ADAMTSL1: variants seen among roughly 807,000 people sequenced by gnomAD.
ADAMTSL1 encodes the protein ADAMTS like 1, also known as ADAMTS-like protein 1.
A neutral mutation model predicts 201.8 loss-of-function variants in ADAMTSL1; 126 were observed. That is an observed-to-expected ratio of 0.62 (90% CI 0.54 to 0.72). The LOEUF (loss-of-function observed/expected upper bound fraction) is 0.72. Ranked by LOEUF, ADAMTSL1 falls within the 30% of genes least tolerant of loss-of-function variation. The pLI, the probability that ADAMTSL1 is intolerant of heterozygous loss-of-function variation, is 0.00. For missense variants in ADAMTSL1, 2,679 were observed against 2,277.8 expected (o/e 1.18, Z -3.59); for synonymous variants, 1,121 against 903.4 (o/e 1.24, Z -4.32).
intron 1 of ADAMTSL1, among the ~76,000 whole-genome samples, chr9:18,017,232 A>C (rs1260188212): frequency 6.6e-6 from 1 of 152,068 alleles, no homozygotes; most frequent in Non-Finnish European, 1.5e-5. Context: ...ATAAAATACA[A>C]GGTGGTGGTG....
At chr9:18,104,310 C>CCACTGAT (rs2131858035) in intron 1 of ADAMTSL1, among the ~76,000 whole-genome samples, 1 of 152,296 alleles carries the variant, frequency 6.6e-6, no homozygotes, top group Admixed American at 6.5e-5. Context: ...TGCTTCCCTT[C>CCACTGAT]CACTGATGAA....
At chr9:18,277,260 T>C (rs937338766) in intron 2 of ADAMTSL1, among the ~76,000 whole-genome samples, 3 of 152,226 alleles carry the variant, frequency 2.0e-5, no homozygotes, top group Non-Finnish European at 4.4e-5. Context: ...TAAGTCCCTT[T>C]GGTCTAAAGT....
intron 2 of ADAMTSL1, among the ~76,000 whole-genome samples, chr9:18,241,684 A>G (rs912996405): frequency 5.9e-5 from 9 of 152,190 alleles, no homozygotes; most frequent in Non-Finnish European, 1.2e-4. Context: ...ATGAAAGTGA[A>G]GAAGTTACAA....
chr9:18,659,232 A>C (rs2132999051), intron 8 of ADAMTSL1, among the ~76,000 whole-genome samples: 1 of 152,312 alleles, frequency 6.6e-6, no homozygotes, highest in South Asian at 2.1e-4. Context: ...TTACCCATAA[A>C]TTTTTGGAAA....
intron 2 of ADAMTSL1, among the ~76,000 whole-genome samples, chr9:18,263,891 G>A (rs1832021878): frequency 6.6e-6 from 1 of 152,166 alleles, no homozygotes; most frequent in Non-Finnish European, 1.5e-5. Context: ...CTTGATCATG[G>A]ACTTTTAGCT....
At chr9:17,953,985 C>T (rs1249961606) in intron 1 of ADAMTSL1, among the ~76,000 whole-genome samples, 2 of 152,160 alleles carry the variant, frequency 1.3e-5, no homozygotes, top group East Asian at 3.8e-4. Context: ...TTTTTTTCTA[C>T]ATCACGTGCC....
intron 1 of ADAMTSL1, among the ~76,000 whole-genome samples, chr9:18,016,471 AAC>A (rs1310649895): frequency 5.9e-5 from 9 of 152,102 alleles, no homozygotes; most frequent in African/African-American, 2.2e-4. Flanking sequence ...AGAAGCACAG[AAC>A]AGAGTCCTGT....
chr9:18,331,381 G>C (rs1835021426), intron 2 of ADAMTSL1, among the ~76,000 whole-genome samples: 1 of 152,190 alleles, frequency 6.6e-6, no homozygotes, highest in Non-Finnish European at 1.5e-5. Context: ...TCCCCACTGT[G>C]TTGGCCTATG....
At chr9:18,487,068 GATTAA>G (rs2131836723) in intron 1 of ADAMTSL1, among the ~76,000 whole-genome samples, 1 of 152,224 alleles carries the variant, frequency 6.6e-6, no homozygotes, top group Admixed American at 6.5e-5. Context: ...TATCTGCCCT[GATTAA>G]ATATTAATTG....
At chr9:18,430,230 G>A (rs747818480) in intron 2 of ADAMTSL1, among the ~76,000 whole-genome samples, 4 of 152,170 alleles carry the variant, frequency 2.6e-5, no homozygotes, top group Non-Finnish European at 4.4e-5. Context: ...AGTGCCGGGT[G>A]GTTTCTAGAC....
rs1828306128 is a variant in ADAMTSL1, at chr9:18,178,800, A to G, written c.207+14819A>G. ...CTCACATGGCCAGGTACTCCAACAG[A>G]ACTGCAGCTGAGGGTCCTGTCTGTT... On this transcript the variant is annotated intron_variant, in intron 2 of 29. Coordinates refer to the ADAMTSL1 transcript ENST00000680146. Among the ~76,000 whole-genome samples the G allele has an allele frequency of 2.0e-5, 3 of 152,212 alleles. No individual in the cohort carries two copies. In the South Asian group the frequency reaches 6.2e-4, roughly 32 times the overall value.
chr9:18,115,489 T>C (rs1261468650), intron 1 of ADAMTSL1, among the ~76,000 whole-genome samples: 2 of 152,118 alleles, frequency 1.3e-5, no homozygotes, highest in East Asian at 1.9e-4. Flanking sequence ...TATTAAAAAT[T>C]TGAGAAACAC....
chr9:18,862,567 A>C (rs1471912087), intron 23 of ADAMTSL1, among the ~76,000 whole-genome samples: 2 of 152,216 alleles, frequency 1.3e-5, no homozygotes, highest in African/African-American at 2.4e-5. Flanking sequence ...CAAATGTGAA[A>C]CATCAATTTC....
intron 2 of ADAMTSL1, among the ~76,000 whole-genome samples, chr9:18,396,960 C>T (rs1030409869): frequency 1.3e-5 from 2 of 151,386 alleles, no homozygotes; most frequent in African/African-American, 4.9e-5. Context: ...ATGCACTATG[C>T]CTCTTTATAT....
At chr9:18,293,468 AG>A (rs1322462643) in intron 2 of ADAMTSL1, among the ~76,000 whole-genome samples, 2 of 152,252 alleles carry the variant, frequency 1.3e-5, no homozygotes, top group African/African-American at 4.8e-5. Context: ...CATCATCTTA[AG>A]AATACTGTCT....
At chr9:17,952,444 T>A (rs894961916) in intron 1 of ADAMTSL1, among the ~76,000 whole-genome samples, 2 of 152,140 alleles carry the variant, frequency 1.3e-5, no homozygotes, top group Non-Finnish European at 2.9e-5. Context: ...TCCAAGACAG[T>A]TTACTAACTA....
intron 2 of ADAMTSL1, among the ~76,000 whole-genome samples, chr9:18,344,013 CTGAA>C (rs1379448458): frequency 6.6e-6 from 1 of 152,130 alleles, no homozygotes; most frequent in East Asian, 1.9e-4. Context: ...GTACAAAGTA[CTGAA>C]TCATCAACTT....
intron 2 of ADAMTSL1, among the ~76,000 whole-genome samples, chr9:18,305,769 T>G (rs1326267118): frequency 6.6e-6 from 1 of 152,110 alleles, no homozygotes; most frequent in African/African-American, 2.4e-5. Context: ...ATGGGGTGGT[T>G]GTGGGTGCAG....
intron 14 of ADAMTSL1, among the ~76,000 whole-genome samples, chr9:18,707,312 A>T (rs1219485710): frequency 6.6e-6 from 1 of 152,206 alleles, no homozygotes; most frequent in Non-Finnish European, 1.5e-5. Flanking sequence ...GTCTTGCAAC[A>T]TATCATCGTG....
Sources: allele counts gnomAD v4.1 joint callset (sites outside exome capture counted in the v4.1 genomes callset), GRCh38; gene constraint gnomAD v4.1.1; transcripts MANE v1.5; gene names NCBI Gene and HGNC (gene_info 2026-07-23, HGNC 2026-07-21).